EARS2: variants seen among roughly 807,000 people sequenced by gnomAD.
The protein encoded by EARS2 is glutamyl-tRNA synthetase 2, mitochondrial, also known as nondiscriminating glutamyl-tRNA synthetase EARS2, mitochondrial.
In EARS2, 50 loss-of-function variants were observed where a neutral mutation model predicts 54.1. That is an observed-to-expected ratio of 0.92 (90% CI 0.74 to 1.17). The LOEUF is 1.17. EARS2 is among the 50% of genes most tolerant of loss of function. The probability of loss-of-function intolerance (pLI) is 0.00; values close to 1 mark genes in which losing one functional copy is unlikely to be tolerated. For missense variants in EARS2, 673 were observed against 675.0 expected (o/e 1.00, Z 0.03); for synonymous variants, 298 against 281.0 (o/e 1.06, Z -0.61).
intron 2 of EARS2, chr16:23,546,269 T>A: frequency 2.5e-6 from 1 of 398,662 alleles, no homozygotes. Flanking sequence ...TGGAAGATGG[T>A]GTTTCTGCCC....
chr16:23,524,633 T>A, intron 8 of EARS2, among the ~76,000 whole-genome samples, 179 bp from the exon 9 acceptor site: 1 of 146,334 alleles, frequency 6.8e-6, no homozygotes, highest in East Asian at 2.0e-4. Context: ...CTGTTTCTCC[T>A]CCAACCACCG....
In EARS2 at chr16:23,524,137, G is replaced by A. The variant is rs1433941708; in HGVS notation, c.*234C>T. The stretch of plus-strand genomic sequence containing the variant: ...TGTAATGTGTGAGAAACCAGACCCG[G>A]AGAATGCCTTTCCAGAGTCCAGGAG... On this transcript the variant is annotated 3_prime_UTR_variant, in exon 9 of 9. Transcript: ENST00000449606. The A allele has an allele frequency of 5.2e-6, 3 of 576,356 alleles. No individual in the cohort carries two copies. The highest frequency in any genetic ancestry group is 9.3e-6 in the Non-Finnish European group (3 of 322,558). 35.7% of individuals were successfully genotyped at this position (576,356 alleles called of 1,614,324 possible). A position where few individuals can be genotyped will look rare whatever the true frequency, so the allele number is the denominator to read the frequency against.
At chr16:23,526,046 T>C (rs1203378702) in intron 7 of EARS2, among the ~76,000 whole-genome samples, 1 of 150,002 alleles carries the variant, frequency 6.7e-6, no homozygotes, top group Non-Finnish European at 1.5e-5. Context: ...AAGGCTATCG[T>C]AGAGAGTTAA....
intron 1 of EARS2, among the ~76,000 whole-genome samples, chr16:23,556,220 T>C (rs1410893706): frequency 2.0e-5 from 3 of 152,164 alleles, no homozygotes; most frequent in African/African-American, 7.2e-5. Flanking sequence ...GTAGCCTTAC[T>C]GGTGGGAACC....
In EARS2 at chr16:23,535,140, C is replaced by A; in HGVS notation, c.706G>T (p.Asp236Tyr). ...PTYHLACVVD[D>Y]HHMGISHVLR... is the part of the protein sequence containing the mutation. ...ACGTGGCTGATGCCCATGTGGTGGT[C>A]GTCCACCACGCAGGCCAGGTGGTAT... Residue 236 changes from aspartate (D) to tyrosine (Y), a missense_variant, in exon 4 of 9, where the codon GAC becomes TAC. Physicochemically the swap from Asp to Tyr is radical, Grantham distance 160. This residue lies in a region of EARS2 where 338 missense variants were observed against 361.2 expected (regional missense o/e 0.94). Transcript: ENST00000449606. 6.2e-7 allele frequency: 1 copy of A among 1,612,812 alleles called. No individual in the cohort carries two copies. Among genetic ancestry groups the A allele is most frequent in the East Asian group, 2.2e-5 (1 of 44,848 alleles).
At position 23,521,456 on chromosome 16, in the gene EARS2, G is replaced by A. The variant is rs886798896; in HGVS notation, c.*2915C>T. On this transcript the variant is annotated 3_prime_UTR_variant, in exon 9 of 9. Transcript: ENST00000449606. ...GCTCTGTTGCCCAGGTTAGAGTGCAGTAGTGCATTCATAGCTCACTGCAGC... is the reference window on the plus strand; with the variant it reads ...GCTCTGTTGCCCAGGTTAGAGTGCAATAGTGCATTCATAGCTCACTGCAGC... Among the ~76,000 whole-genome samples the A allele has an allele frequency of 1.9e-4, 29 of 151,432 alleles. No homozygotes were observed. The highest frequency in any genetic ancestry group is 6.8e-4 in the African/African-American group (28 of 41,172).
rs376840127 is a variant in EARS2, at chr16:23,521,976, T to A, written c.*2395A>T. On this transcript the variant is annotated 3_prime_UTR_variant, in exon 9 of 9. Transcript: ENST00000449606. ...TAGTTAACTTTTCAGAACCTCGGTT[T>A]CCATATCTGTAACAGAAAAAAAAAA... 2.7e-6 allele frequency: 1 copy of A among 365,444 alleles called. No homozygotes were observed. The highest frequency in any genetic ancestry group is 3.6e-5 in the Admixed American group (1 of 27,784). 22.6% of individuals were successfully genotyped at this position (365,444 alleles called of 1,614,324 possible). A position where few individuals can be genotyped will look rare whatever the true frequency, so the allele number is the denominator to read the frequency against.
chr16:23,530,950 G>A (rs981749770), intron 5 of EARS2, among the ~76,000 whole-genome samples: 5 of 151,940 alleles, frequency 3.3e-5, no homozygotes, highest in African/African-American at 1.2e-4. Context: ...GGAGTGCAAT[G>A]GTGTGATTTC....
chr16:23,550,202 A>C (rs1965670511), intron 2 of EARS2, among the ~76,000 whole-genome samples: 1 of 151,942 alleles, frequency 6.6e-6, no homozygotes, highest in Non-Finnish European at 1.5e-5. Context: ...CTCTACAAAA[A>C]CATAAGTTAA....
chr16:23,523,691 T>C lies in EARS2; in HGVS notation c.*680A>G, dbSNP rs1055812741. ...AATTCTGTCCCCCTAAATTCTTACG[T>C]TGAGAAACCCCTGGAACCTCAGAAT... On this transcript the variant is annotated 3_prime_UTR_variant, in exon 9 of 9. Coordinates refer to ENST00000449606, the MANE Select transcript of EARS2 (RefSeq NM_001083614.2). The C allele has an allele frequency of 1.3e-5, 2 of 152,192 alleles. No homozygotes were observed. Among genetic ancestry groups the C allele is most frequent in the Non-Finnish European group, 1.5e-5 (1 of 68,078 alleles). 9.4% of individuals were successfully genotyped at this position (152,192 alleles called of 1,614,324 possible).
rs201727231 is a variant in EARS2, at chr16:23,524,396, C to T, written c.1547G>A (p.Arg516Gln). 7.7e-5 allele frequency: 124 copies of T among 1,614,048 alleles called. No homozygotes were observed. The highest frequency in any genetic ancestry group is 1.0e-4 in the Non-Finnish European group (118 of 1,180,022). The change falls in exon 9 of 9, where the codon CGG becomes CAG. Residue 516 changes from arginine to glutamine, a missense_variant. Coordinates refer to ENST00000449606, the MANE Select transcript of EARS2 (RefSeq NM_001083614.2). Reference protein sequence around the residue: ...LALGPKEVRERIQKVVSS With the variant: ...LALGPKEVREQIQKVVSS The stretch of plus-strand genomic sequence containing the variant: ...CTAGCTGGAAACCACCTTCTGGATC[C>T]GTTCCCGTACTTCCTTTGGTCCCAA...
intron 2 of EARS2, among the ~76,000 whole-genome samples, chr16:23,546,684 T>C (rs143362103): frequency 1.3e-5 from 2 of 152,314 alleles, no homozygotes; most frequent in African/African-American, 2.4e-5. Flanking sequence ...GCCTCCCAAG[T>C]AGCTGAGACT....
At chr16:23,545,820 C>T (rs1051565404) in intron 2 of EARS2, among the ~76,000 whole-genome samples, 2 of 152,156 alleles carry the variant, frequency 1.3e-5, no homozygotes, top group Non-Finnish European at 2.9e-5. Flanking sequence ...CACATCACCA[C>T]ATCTGGCTAT....
intron 1 of EARS2, among the ~76,000 whole-genome samples, chr16:23,552,577 G>C (rs1965714451): frequency 6.6e-6 from 1 of 152,144 alleles, no homozygotes; most frequent in African/African-American, 2.4e-5. Context: ...TGCAACCTCT[G>C]CCTCTTGTGT....
intron 2 of EARS2, among the ~76,000 whole-genome samples, chr16:23,550,239 C>T (rs1451746633): frequency 6.6e-6 from 1 of 151,890 alleles, no homozygotes; most frequent in Non-Finnish European, 1.5e-5. Context: ...TGGTGGCACA[C>T]AGCTATGGTG....
chr16:23,556,299 C>T (rs925176136), intron 1 of EARS2, among the ~76,000 whole-genome samples: 4 of 152,232 alleles, frequency 2.6e-5, no homozygotes, highest in Non-Finnish European at 5.9e-5. Context: ...TTGCTAAGCT[C>T]CCAACAGCAC....
intron 3 of EARS2, among the ~76,000 whole-genome samples, chr16:23,535,868 G>A (rs368525521): frequency 3.0e-4 from 45 of 152,322 alleles, no homozygotes; most frequent in African/African-American, 9.9e-4. Context: ...ATGTTGTCCT[G>A]TAAGGGGAGC....
At chr16:23,543,394 A>G (rs1219115592) in intron 3 of EARS2, among the ~76,000 whole-genome samples, 2 of 151,734 alleles carry the variant, frequency 1.3e-5, no homozygotes, top group Non-Finnish European at 2.9e-5. Flanking sequence ...CCTGGGTGAC[A>G]AAGTAAGACC....
chr16:23,535,553 C>A, intron 3 of EARS2, 193 bp from the exon 4 acceptor site: 1 of 600,466 alleles, frequency 1.7e-6, no homozygotes. Context: ...CTAATGTCTG[C>A]CTATCTACCA....
Sources: gnomAD v4.1 joint callset for allele counts (sites outside exome capture counted in the v4.1 genomes callset) on GRCh38, gnomAD v4.1.1 for gene constraint, gnomAD v4.1.1 regional missense constraint, MANE v1.5 for transcripts, NCBI Gene and HGNC (gene_info 2026-07-23, HGNC 2026-07-21) for gene names.